Variants in FMN1 observed in about 807,000 individuals in gnomAD.
FMN1 encodes formin-1.
In FMN1, 110 loss-of-function variants were observed where a neutral mutation model predicts 132.4. The ratio of observed to expected loss-of-function variants is 0.83; its 90% CI spans 0.71 to 0.97. The LOEUF (loss-of-function observed/expected upper bound fraction) is 0.97. Among genes scored for constraint, FMN1 ranks in the 50% least tolerant of loss-of-function variants. The probability of loss-of-function intolerance (pLI) is 0.00; values close to 1 mark genes in which losing one functional copy is unlikely to be tolerated. For synonymous variants in FMN1, 722 were observed against 651.7 expected, an observed-to-expected ratio of 1.11 and a Z score of -1.64; for missense variants, 1,792 against 1,705.3, an observed-to-expected ratio of 1.05 and a Z score of -0.90.
chr15:33,113,704 C>A (rs2039801961), intron 4 of FMN1, among the ~76,000 whole-genome samples: 1 of 152,120 alleles, frequency 6.6e-6, no homozygotes, highest in South Asian at 2.1e-4. Context: ...AGACAGGGGC[C>A]CCACGTTGAA....
intron 9 of FMN1, among the ~76,000 whole-genome samples, chr15:32,959,563 A>G (rs1447947672): frequency 2.6e-5 from 4 of 152,230 alleles, no homozygotes; most frequent in Admixed American, 6.5e-5. Flanking sequence ...TTACAGAGAA[A>G]AGCAAGCACT....
chr15:32,984,978 C>CAAAAAAAAAAAAAA lies in FMN1; in HGVS notation c.2224-15515_2224-15502dup, dbSNP rs11330959. 1.6e-3 allele frequency among the ~76,000 whole-genome samples: 159 copies of CAAAAAAAAAAAAAA among 97,210 alleles called. 1 individual carries two copies. The highest frequency in any genetic ancestry group is 4.5e-3 in the African/African-American group (122 of 27,064). 63.8% of individuals were successfully genotyped at this position (97,210 alleles called of 152,430 possible). A position where few individuals can be genotyped will look rare whatever the true frequency, so the allele number is the denominator to read the frequency against. ...TTTTCTCTGTTTGTTCATCCATCAC[C>CAAAAAAAAAAAAAA]AAAAAAAAAAAAAAAAAAAAAAGAA... On this transcript the variant is annotated intron_variant, in intron 7 of 20. Transcript: ENST00000616417.
At chr15:33,078,537 T>C (rs935605282) in intron 5 of FMN1, among the ~76,000 whole-genome samples, 3 of 152,160 alleles carry the variant, frequency 2.0e-5, no homozygotes, top group Non-Finnish European at 4.4e-5. Flanking sequence ...AAGTTTATGA[T>C]GTTCCTATGT....
chr15:33,152,199 ATG>A (rs1454849723), intron 4 of FMN1, among the ~76,000 whole-genome samples: 3 of 152,238 alleles, frequency 2.0e-5, no homozygotes, highest in Non-Finnish European at 4.4e-5. Flanking sequence ...AGCCTAGAAA[ATG>A]TAATGAATAC....
chr15:33,079,997 T>C (rs896107029), intron 5 of FMN1, among the ~76,000 whole-genome samples: 1 of 152,210 alleles, frequency 6.6e-6, no homozygotes, highest in Non-Finnish European at 1.5e-5. Flanking sequence ...ATTCTTTTTC[T>C]CTTACACATA....
At chr15:33,152,784 A>C (rs1964491278) in intron 4 of FMN1, among the ~76,000 whole-genome samples, 1 of 132,156 alleles carries the variant, frequency 7.6e-6, no homozygotes, top group African/African-American at 2.7e-5. Flanking sequence ...ACTTTAGAGG[A>C]TGCCAAAAAA....
intron 11 of FMN1, among the ~76,000 whole-genome samples, chr15:32,909,899 GC>G (rs933877228): frequency 6.6e-6 from 1 of 151,830 alleles, no homozygotes. Flanking sequence ...AAAAATCAGA[GC>G]CTACTATAAT....
At chr15:33,050,380 C>A (rs1389901186) in intron 6 of FMN1, among the ~76,000 whole-genome samples, 5 of 150,656 alleles carry the variant, frequency 3.3e-5, no homozygotes, top group Non-Finnish European at 5.9e-5. Flanking sequence ...CCAATACATA[C>A]AATGATAAAA....
intron 8 of FMN1, among the ~76,000 whole-genome samples, chr15:32,966,058 C>T (rs1178083546): frequency 6.6e-6 from 1 of 152,020 alleles, no homozygotes; most frequent in Admixed American, 6.6e-5. Context: ...ATGTTAAGGG[C>T]CACTGGTCTG....
intron 4 of FMN1, among the ~76,000 whole-genome samples, chr15:33,116,747 G>A (rs1034901295): frequency 7.4e-6 from 1 of 134,274 alleles, no homozygotes; most frequent in Non-Finnish European, 1.7e-5. Context: ...AATAATACTA[G>A]ATATGGCTTT....
Position 32,854,401 on chromosome 15 carries a change from C to T in FMN1, c.3928+2614G>A, listed in dbSNP as rs574678778. Among the ~76,000 whole-genome samples the T allele has an allele frequency of 2.6e-5, 4 of 152,216 alleles. No individual in the cohort carries two copies. The South Asian group carries it at 8.3e-4, about 32-fold the overall frequency. Reference sequence around the variant, plus strand: ...TTCAACAGTAGACTTTTCTACCATACGGTATTGGGAATGTTTAAGATTCCT... The same window carrying T: ...TTCAACAGTAGACTTTTCTACCATATGGTATTGGGAATGTTTAAGATTCCT... On this transcript the variant is annotated intron_variant, in intron 17 of 20. Coordinates refer to ENST00000616417, the MANE Select transcript of FMN1 (RefSeq NM_001277313.2).
intron 17 of FMN1, among the ~76,000 whole-genome samples, chr15:32,815,518 C>T (rs1171715078): frequency 1.3e-5 from 2 of 152,154 alleles, no homozygotes; most frequent in Admixed American, 1.3e-4. Flanking sequence ...AAACCTTACA[C>T]TTGAAAACTA....
intron 17 of FMN1, among the ~76,000 whole-genome samples, chr15:32,848,581 TGTGA>T (rs1359500883): frequency 2.0e-5 from 3 of 152,182 alleles, no homozygotes; most frequent in African/African-American, 7.2e-5. Context: ...GTAATGAGAC[TGTGA>T]GTAAGACCAT....
At chr15:32,857,129 T>C in intron 16 of FMN1, 22 bp from the exon 17 acceptor site, 3 of 1,582,362 alleles carry the variant, frequency 1.9e-6, no homozygotes, top group Non-Finnish European at 2.6e-6. Context: ...AATTTAGAAT[T>C]AGACTTAGGA....
At chr15:33,018,798 G>T (rs1207753332) in intron 6 of FMN1, among the ~76,000 whole-genome samples, 1 of 152,172 alleles carries the variant, frequency 6.6e-6, no homozygotes. Context: ...TGGGCTGGTG[G>T]TCTCGCTGGC....
At chr15:32,998,399 G>C (rs900988076) in intron 7 of FMN1, among the ~76,000 whole-genome samples, 3 of 152,216 alleles carry the variant, frequency 2.0e-5, no homozygotes, top group Non-Finnish European at 2.9e-5. Context: ...AGTTGGGACA[G>C]ATGCAGGGGC....
At chr15:32,802,332 C>T (rs886655197) in intron 18 of FMN1, among the ~76,000 whole-genome samples, 5 of 152,192 alleles carry the variant, frequency 3.3e-5, no homozygotes, top group South Asian at 2.1e-4. Flanking sequence ...AGATCCAGAG[C>T]GGAACACATC....
At chr15:33,008,634 G>C (rs929144293) in intron 6 of FMN1, among the ~76,000 whole-genome samples, 1 of 152,138 alleles carries the variant, frequency 6.6e-6, no homozygotes, top group African/African-American at 2.4e-5. Context: ...AGGCTGAAAG[G>C]ACAAAAATAA....
At chr15:32,801,381 C>T (rs929449101) in intron 18 of FMN1, among the ~76,000 whole-genome samples, 4 of 152,066 alleles carry the variant, frequency 2.6e-5, no homozygotes, top group African/African-American at 7.2e-5. Flanking sequence ...AGCAAGTGAA[C>T]CTCTTCAGAA....
Sources: allele counts gnomAD v4.1 joint callset (sites outside exome capture counted in the v4.1 genomes callset), GRCh38; gene constraint gnomAD v4.1.1; transcripts MANE v1.5; gene names NCBI Gene and HGNC (gene_info 2026-07-23, HGNC 2026-07-21).